The following ACTN1 variants were observed in gnomAD, a reference collection of about 807,000 sequenced individuals.
The protein encoded by ACTN1 is actinin alpha 1.
ACTN1 carries 30 observed loss-of-function variants against 119.6 expected under a neutral mutation model. That is an observed-to-expected ratio of 0.25 (90% CI 0.19 to 0.34). The LOEUF (loss-of-function observed/expected upper bound fraction) is 0.34. ACTN1 is among the 10% of genes least tolerant of loss of function. The pLI, the probability that ACTN1 is intolerant of heterozygous loss-of-function variation, is 1.00. For missense variants in ACTN1, 764 were observed against 1,223.4 expected (o/e 0.62, Z 5.60); for synonymous variants, 429 against 472.6 (o/e 0.91, Z 1.20).
intron 1 of ACTN1, among the ~76,000 whole-genome samples, chr14:68,966,998 G>C (rs1263636703): frequency 3.3e-5 from 5 of 152,206 alleles, no homozygotes; most frequent in Non-Finnish European, 2.9e-5. Context: ...AGGCTGGCTG[G>C]TAGGGAGCTG....
At chr14:68,966,980 A>C (rs1226785276) in intron 1 of ACTN1, among the ~76,000 whole-genome samples, 1 of 152,192 alleles carries the variant, frequency 6.6e-6, no homozygotes, top group Non-Finnish European at 1.5e-5. Context: ...CAAAGAAAAA[A>C]CGCAGCTAGG....
At chr14:68,940,038 A>G (rs1400488504) in intron 1 of ACTN1, among the ~76,000 whole-genome samples, 1 of 152,224 alleles carries the variant, frequency 6.6e-6, no homozygotes, top group African/African-American at 2.4e-5. Context: ...TCTTCGAAGC[A>G]GAGTGGCACC....
chr14:68,878,933 A>T lies in ACTN1; in HGVS notation c.2361+56T>A. 1 of 1,611,184 alleles carries T rather than the reference A, an allele frequency of 6.2e-7. No homozygotes were observed. The highest frequency in any genetic ancestry group is 1.1e-5 in the South Asian group (1 of 91,020). ...GAGAGAAGAGAAAAAGGAAAAACGC[A>T]TTATTTCTTGCCCCAGACGCCACCC... On this transcript the variant is annotated intron_variant, in intron 19 of 21. Transcript: ENST00000394419. This position sits in a 1 kb window ranked among gnomAD's most constrained non-coding sequence, Gnocchi z 4.4.
chr14:68,932,908 G>A (rs774628966), intron 1 of ACTN1, among the ~76,000 whole-genome samples: 10 of 152,148 alleles, frequency 6.6e-5, no homozygotes, highest in Non-Finnish European at 1.5e-4. Context: ...ATCTGGAGGA[G>A]ACAAACACAT....
At chr14:68,971,452 A>T (rs1437579284) in intron 1 of ACTN1, among the ~76,000 whole-genome samples, 1 of 152,160 alleles carries the variant, frequency 6.6e-6, no homozygotes, top group Non-Finnish European at 1.5e-5. Flanking sequence ...TTTACCTCCG[A>T]GTACCTTGGG....
intron 8 of ACTN1, among the ~76,000 whole-genome samples, chr14:68,901,492 C>A (rs61985080): frequency 0.097 from 14,791 of 152,202 alleles, 884 homozygotes; most frequent in Non-Finnish European, 0.14. Context: ...AAGTGATCCG[C>A]CTGCCTTGGC....
intron 4 of ACTN1, among the ~76,000 whole-genome samples, chr14:68,911,284 CCAAAAGAATCAAAATCAT>C (rs1337259895): frequency 1.3e-5 from 2 of 152,128 alleles, no homozygotes; most frequent in African/African-American, 2.4e-5. Flanking sequence ...AGAAGTCCAC[CCAAAAGAATCAAAATCAT>C]CAAGAAGGCT....
chr14:68,977,949 C>A, intron 1 of ACTN1: 1 of 456,050 alleles, frequency 2.2e-6, no homozygotes, highest in South Asian at 1.5e-5. Flanking sequence ...CACAGGCTCA[C>A]CGCGCAGGCA....
chr14:68,926,753 A>G lies in ACTN1; in HGVS notation c.106-1081T>C, dbSNP rs560636707. ...TCCTCATGGGAAAGGTCACAGCTTC[A>G]TGCTCCCCAATCCCTTCCTCCTGCC... On this transcript the variant is annotated intron_variant, in intron 1 of 21. Coordinates refer to ENST00000394419, the MANE Select transcript of ACTN1 (RefSeq NM_001130004.2). Among the ~76,000 whole-genome samples the G allele has an allele frequency of 2.6e-5, 4 of 152,286 alleles. No homozygotes were observed. In the South Asian group the frequency reaches 8.3e-4, roughly 32 times the overall value.
intron 13 of ACTN1, 103 bp downstream of exon 13, chr14:68,884,672 A>C: frequency 1.0e-6 from 1 of 1,002,572 alleles, no homozygotes; most frequent in Non-Finnish European, 1.5e-6. Context: ...GGTCTGGGGA[A>C]GCCATAGAGT....
In ACTN1 at chr14:68,874,209, T is replaced by G. The variant is rs1376945241; in HGVS notation, c.*650A>C. ...CTCTCCAAGTTTGTCCTATTTTTAA[T>G]AGACAATATTAAAAATTTTTTAAGT... is the stretch of plus-strand genomic sequence containing the variant. On this transcript the variant is annotated 3_prime_UTR_variant, in exon 22 of 22. Transcript: ENST00000394419. 9 of 152,252 alleles carry G rather than the reference T, an allele frequency of 5.9e-5. No individual in the cohort carries two copies. Among genetic ancestry groups the G allele is most frequent in the African/African-American group, 2.2e-4 (9 of 41,420 alleles). 9.4% of individuals were successfully genotyped at this position (152,252 alleles called of 1,614,324 possible).
At chr14:68,888,146 C>A (rs2032178078) in intron 11 of ACTN1, 2 of 554,606 alleles carry the variant, frequency 3.6e-6, no homozygotes, top group African/African-American at 1.9e-5. Context: ...ACAGCCTTTG[C>A]GAAACTGTGC....
intron 1 of ACTN1, among the ~76,000 whole-genome samples, chr14:68,947,950 C>A (rs1006622735): frequency 6.6e-6 from 1 of 152,236 alleles, no homozygotes; most frequent in Non-Finnish European, 1.5e-5. Flanking sequence ...CCTCATCACA[C>A]ACGCACATAA....
At chr14:68,952,570 T>C (rs375220753) in intron 1 of ACTN1, among the ~76,000 whole-genome samples, 2 of 152,196 alleles carry the variant, frequency 1.3e-5, no homozygotes, top group Non-Finnish European at 2.9e-5. Flanking sequence ...TGTGCCGCAA[T>C]GCCTAGTAGG....
In ACTN1 at chr14:68,879,118, G is replaced by A. The variant is rs2031238258; in HGVS notation, c.2281-49C>T. ...GCGAGCCATGCGGTGTCAGGGAGGT[G>A]GAGCCGTGAGGGGGGCATGCCCCGG... On this transcript the variant is annotated intron_variant, in intron 18 of 21. Coordinates refer to ENST00000394419, the MANE Select transcript of ACTN1 (RefSeq NM_001130004.2). This position sits in a 1 kb window ranked among gnomAD's most constrained non-coding sequence, Gnocchi z 4.9. The A allele has an allele frequency of 6.4e-7, 1 of 1,557,054 alleles. No homozygotes were observed. Among genetic ancestry groups the A allele is most frequent in the African/African-American group, 1.4e-5 (1 of 72,804 alleles).
At chr14:68,974,974 C>T (rs2037012743) in intron 1 of ACTN1, among the ~76,000 whole-genome samples, 1 of 152,224 alleles carries the variant, frequency 6.6e-6, no homozygotes, top group Non-Finnish European at 1.5e-5. Context: ...TGGTTTATGG[C>T]CCCCAGCCAG....
intron 8 of ACTN1, among the ~76,000 whole-genome samples, chr14:68,894,163 G>T (rs73284973): frequency 6.6e-6 from 1 of 152,160 alleles, no homozygotes; most frequent in Non-Finnish European, 1.5e-5. Flanking sequence ...ATTTTCCAGG[G>T]TCTTGGAGAT....
chr14:68,878,438 G>A lies in ACTN1; in HGVS notation c.2427+20C>T. The A allele has an allele frequency of 1.3e-6, 2 of 1,536,816 alleles. No homozygotes were observed. Among genetic ancestry groups the A allele is most frequent in the Non-Finnish European group, 1.8e-6 (2 of 1,141,462 alleles). ...GGCTGCCTTCTCACCAGGGCAGACA[G>A]AGGGTGGGGTTTACGTTACCATGTT... On this transcript the variant is annotated intron_variant, in intron 20 of 21. Transcript: ENST00000394419. This position sits in a 1 kb window ranked among gnomAD's most constrained non-coding sequence, Gnocchi z 4.4.
Position 68,909,294 on chromosome 14 carries a change from G to T in ACTN1, c.594+24C>A. Reference sequence around the variant, plus strand: ...ACCCCACCTGCCAGGGACCCAAAGCGGGTGGTCAGGTGGGCACACATACCT... The same window carrying T: ...ACCCCACCTGCCAGGGACCCAAAGCTGGTGGTCAGGTGGGCACACATACCT... On this transcript the variant is annotated intron_variant, in intron 6 of 21. Coordinates refer to ENST00000394419, the MANE Select transcript of ACTN1 (RefSeq NM_001130004.2). This position sits in a 1 kb window ranked among gnomAD's most constrained non-coding sequence, Gnocchi z 4.1. The T allele has an allele frequency of 6.2e-7, 1 of 1,611,698 alleles. No homozygotes were observed. The highest frequency in any genetic ancestry group is 8.5e-7 in the Non-Finnish European group (1 of 1,178,386).
Sources: allele counts gnomAD v4.1 joint callset (sites outside exome capture counted in the v4.1 genomes callset), GRCh38; gene constraint gnomAD v4.1.1; non-coding constraint Gnocchi (gnomAD v3.1); transcripts MANE v1.5; gene names NCBI Gene and HGNC (gene_info 2026-07-23, HGNC 2026-07-21).